PRUNE2: variants seen among roughly 807,000 people sequenced by gnomAD.
The protein encoded by PRUNE2 is prune homolog 2 with BCH domain, also known as protein prune homolog 2.
PRUNE2 carries 164 observed loss-of-function variants against 252.0 expected under a neutral mutation model. The ratio of observed to expected loss-of-function variants is 0.65; its 90% CI spans 0.57 to 0.74. The LOEUF (loss-of-function observed/expected upper bound fraction) is 0.74, where lower values mean the gene tolerates loss of function less well. PRUNE2 is among the 30% of genes least tolerant of loss of function. The probability of loss-of-function intolerance (pLI) is 0.00; values close to 1 mark genes in which losing one functional copy is unlikely to be tolerated. For missense variants in PRUNE2, 3,495 were observed against 3,711.0 expected, an observed-to-expected ratio of 0.94 and a Z score of 1.51; for synonymous variants, 1,292 against 1,350.2, an observed-to-expected ratio of 0.96 and a Z score of 0.94.
At chr9:76,746,272 G>A (rs942483879) in intron 6 of PRUNE2, among the ~76,000 whole-genome samples, 6 of 152,222 alleles carry the variant, frequency 3.9e-5, no homozygotes, top group Admixed American at 3.3e-4. Flanking sequence ...TCACTGGAAA[G>A]ATCAGGGCAT....
rs139686281 is a variant in PRUNE2 at position 76,893,043 on chromosome 9, G to A, written c.36+12885C>T. Among the ~76,000 whole-genome samples the A allele has an allele frequency of 9.8e-4, 149 of 152,208 alleles. 1 individual carries two copies. The highest frequency in any genetic ancestry group is 2.9e-3 in the African/African-American group (121 of 41,518). ...AAAGAACATGACAAAAGTTCGAGAC[G>A]AGCCTGGGCAACATAATGAGACCTT... On this transcript the variant is annotated intron_variant, in intron 1 of 18. Coordinates refer to ENST00000376718, the MANE Select transcript of PRUNE2 (RefSeq NM_015225.3).
intron 6 of PRUNE2, among the ~76,000 whole-genome samples, chr9:76,753,190 T>C (rs1325874121): frequency 1.3e-5 from 2 of 152,014 alleles, no homozygotes; most frequent in Admixed American, 1.3e-4. Flanking sequence ...CTACCATGCC[T>C]GGCTAATTTT....
intron 1 of PRUNE2, among the ~76,000 whole-genome samples, chr9:76,855,929 T>G (rs58424360): frequency 0.23 from 35,695 of 152,122 alleles, 4,259 homozygotes; most frequent in South Asian, 0.3. Context: ...AATGTCAGAC[T>G]GCTTCCCCTG....
chr9:76,829,853 C>G (rs905619665), intron 4 of PRUNE2, among the ~76,000 whole-genome samples: 1 of 151,890 alleles, frequency 6.6e-6, no homozygotes. Context: ...CTCATCATCT[C>G]CACATTTTTC....
rs1828178169 is a variant in PRUNE2, at chr9:76,613,775, C to T, written c.*795G>A. 6.6e-6 allele frequency: 1 copy of T among 152,070 alleles called. No individual in the cohort carries two copies. Among genetic ancestry groups the T allele is most frequent in the Non-Finnish European group, 1.5e-5 (1 of 68,004 alleles). The allele number at this position is 152,070 out of a possible 1,614,324, so 9.4% of individuals were successfully genotyped here. ...TGCTACCAAATGATTTTTGAGTAGG[C>T]CACCTTGCACTTGAGTTCTTGGCAC... On this transcript the variant is annotated 3_prime_UTR_variant, in exon 19 of 19. Transcript: ENST00000376718.
intron 15 of PRUNE2, 142 bp from the exon 16 acceptor site, chr9:76,629,432 T>G: frequency 1.9e-6 from 1 of 533,450 alleles, no homozygotes. Flanking sequence ...TTTGACGAGT[T>G]ACAATGTGCC....
intron 1 of PRUNE2, 61 bp downstream of exon 1, chr9:76,905,867 C>A: frequency 6.2e-7 from 1 of 1,607,252 alleles, no homozygotes; most frequent in Non-Finnish European, 8.5e-7. Context: ...ACCTTTTCCT[C>A]TCCACCTTTC....
At chr9:76,905,443 T>C (rs942550738) in intron 1 of PRUNE2, among the ~76,000 whole-genome samples, 1 of 152,368 alleles carries the variant, frequency 6.6e-6, no homozygotes, top group Middle Eastern at 3.4e-3. Context: ...GAGCAAGCTC[T>C]ATTCTGTGGA....
Position 76,731,314 on chromosome 9 carries a change from A to ATC in PRUNE2, c.757-17594_757-17593insGA, listed in dbSNP as rs1564171954. Among the ~76,000 whole-genome samples the ATC allele has an allele frequency of 1.2e-3, 116 of 98,288 alleles. 3 individuals are homozygous for ATC. Among genetic ancestry groups the ATC allele is most frequent in the African/African-American group, 4.4e-3 (99 of 22,322 alleles). 64.5% of individuals were successfully genotyped at this position (98,288 alleles called of 152,430 possible). A position where few individuals can be genotyped will look rare whatever the true frequency, so the allele number is the denominator to read the frequency against. ...TCTATCTATCTATCTATCTATCTATATATATATATATTTTTTTTTTTTTTT... is the reference window on the plus strand; with the variant it reads ...TCTATCTATCTATCTATCTATCTATATCTATATATATATTTTTTTTTTTTTTT... On this transcript the variant is annotated intron_variant, in intron 6 of 18. Transcript: ENST00000376718.
intron 12 of PRUNE2, 68 bp from the exon 13 acceptor site, chr9:76,638,356 T>G (rs892310770): frequency 1.1e-4 from 108 of 1,025,870 alleles, no homozygotes; most frequent in Non-Finnish European, 2.9e-5. Context: ...TCTGACCTAA[T>G]GGATAAATAT....
chr9:76,624,513 T>C (rs184429734), intron 16 of PRUNE2, 23 bp from the exon 17 acceptor site: 2 of 1,392,534 alleles, frequency 1.4e-6, no homozygotes, highest in East Asian at 2.7e-5. Context: ...AAATTATTGG[T>C]GTGGAAAAGA....
intron 6 of PRUNE2, among the ~76,000 whole-genome samples, chr9:76,750,415 G>A (rs1354691932): frequency 6.6e-6 from 1 of 152,164 alleles, no homozygotes; most frequent in African/African-American, 2.4e-5. Context: ...CCCAATTGTT[G>A]TAGCAGAGAA....
In PRUNE2 at chr9:76,708,791, G is replaced by A. The variant is rs371823522; in HGVS notation, c.3483C>T (p.Ser1161=). Residue 1161 remains serine, a synonymous_variant, in exon 8 of 19, where the codon TCC becomes TCT. Transcript: ENST00000376718. ...TCACTGTAAATCGGGTTTCCGGCTC[G>A]GAACCTTCAGCCATGTATCCTTCTG... is the stretch of plus-strand genomic sequence containing the variant. The part of the protein sequence containing the change: ...GQTEGYMAEG[S]EPETRFTVRQ... 2.9e-5 allele frequency: 47 copies of A among 1,613,738 alleles called. No homozygotes were observed. Among genetic ancestry groups the A allele is most frequent in the African/African-American group, 2.0e-4 (15 of 74,880 alleles).
At chr9:76,652,282 A>G in intron 11 of PRUNE2, 1 of 551,054 alleles carries the variant, frequency 1.8e-6, no homozygotes, top group Non-Finnish European at 3.2e-6. Context: ...AATAAAGAGC[A>G]ATGGTTATGT....
At chr9:76,669,684 T>G (rs2040932983) in intron 9 of PRUNE2, among the ~76,000 whole-genome samples, 1 of 152,182 alleles carries the variant, frequency 6.6e-6, no homozygotes, top group Non-Finnish European at 1.5e-5. Flanking sequence ...CTAAGCTGAC[T>G]TCCAACTGGG....
At chr9:76,799,103 G>A (rs955360652) in intron 6 of PRUNE2, among the ~76,000 whole-genome samples, 1 of 152,230 alleles carries the variant, frequency 6.6e-6, no homozygotes, top group Non-Finnish European at 1.5e-5. Flanking sequence ...CACTTTGGGA[G>A]GCCGAGGTGG....
intron 6 of PRUNE2, among the ~76,000 whole-genome samples, chr9:76,806,040 T>C (rs1167436467): frequency 6.6e-6 from 1 of 152,234 alleles, no homozygotes; most frequent in Non-Finnish European, 1.5e-5. Context: ...AGTATCTGTG[T>C]ATATGCATGC....
chr9:76,731,133 T>C (rs1051809663), intron 6 of PRUNE2, among the ~76,000 whole-genome samples: 18 of 152,210 alleles, frequency 1.2e-4, no homozygotes, highest in African/African-American at 3.9e-4. Context: ...GGGGCTTTCA[T>C]ATTTCATATT....
intron 9 of PRUNE2, among the ~76,000 whole-genome samples, chr9:76,667,551 A>G (rs2040440947): frequency 9.6e-5 from 2 of 20,790 alleles, no homozygotes; most frequent in South Asian, 2.2e-3. Flanking sequence ...CCACAGTGCA[A>G]TGCAAAGCTG....
Sources: gnomAD v4.1 joint callset for allele counts (sites outside exome capture counted in the v4.1 genomes callset) on GRCh38, gnomAD v4.1.1 for gene constraint, MANE v1.5 for transcripts, NCBI Gene and HGNC (gene_info 2026-07-23, HGNC 2026-07-21) for gene names.